SPG11: variants seen among roughly 807,000 people sequenced by gnomAD.
The protein encoded by SPG11 is SPG11 vesicle trafficking associated, spatacsin.
A neutral mutation model predicts 274.0 loss-of-function variants in SPG11; 222 were observed. That is an observed-to-expected ratio of 0.81 (90% CI 0.73 to 0.91). The LOEUF (loss-of-function observed/expected upper bound fraction) is 0.91, where lower values mean the gene tolerates loss of function less well. Ranked by LOEUF, SPG11 falls within the 40% of genes least tolerant of loss-of-function variation. SPG11 has a pLI of 0.00. For missense variants in SPG11, 3,114 were observed against 2,872.7 expected (o/e 1.08, Z -1.92); for synonymous variants, 1,144 against 1,039.7 (o/e 1.10, Z -1.93).
At chr15:44,569,196 T>A (rs973166424) in intron 35 of SPG11, among the ~76,000 whole-genome samples, 38 of 146,524 alleles carry the variant, frequency 2.6e-4, no homozygotes, top group Admixed American at 1.4e-4. Flanking sequence ...AAAAAAAAAA[T>A]ATATGGCATC....
chr15:44,600,202 G>A lies in SPG11; in HGVS notation c.3686+265C>T, dbSNP rs2083149689. ...CATCCAAATGTAATCACTGTTAACT[G>A]TGGTATGTTTCCAGTATGTTTTTCA... On this transcript the variant is annotated intron_variant, in intron 21 of 39. Coordinates refer to ENST00000261866, the MANE Select transcript of SPG11 (RefSeq NM_025137.4). 2.2e-5 allele frequency: 9 copies of A among 405,560 alleles called. No individual in the cohort carries two copies. In the South Asian group the frequency reaches 2.5e-4, roughly 11 times the overall value. 25.1% of individuals were successfully genotyped at this position (405,560 alleles called of 1,614,324 possible).
chr15:44,630,759 T>C (rs1191578137), intron 8 of SPG11, among the ~76,000 whole-genome samples: 2 of 152,110 alleles, frequency 1.3e-5, no homozygotes, highest in African/African-American at 4.8e-5. Flanking sequence ...TTTGTATTTT[T>C]AGTAGAAATG....
chr15:44,579,698 A>C (rs2082621181), intron 30 of SPG11, among the ~76,000 whole-genome samples: 1 of 152,230 alleles, frequency 6.6e-6, no homozygotes, highest in African/African-American at 2.4e-5. Flanking sequence ...GTCTTGAGAC[A>C]AACAGAAAAA....
intron 7 of SPG11, among the ~76,000 whole-genome samples, chr15:44,638,442 C>G (rs926804236): frequency 2.7e-5 from 4 of 150,730 alleles, no homozygotes; most frequent in African/African-American, 9.8e-5. Context: ...GCCTGGGCGA[C>G]AGAGCAAGAC....
rs2084681542 is a variant in SPG11 at position 44,648,900 on chromosome 15, C to T, written c.1568G>A (p.Trp523Ter). ...ATGTATGGGAATTGAGCACCTTCCC[C>T]AGCCATTGAGATGACAAAGAGTGTC... ...TVDTLCHLNG[W>*]GRCSIPIHAL... Residue 523 changes from tryptophan to a stop codon, truncating the protein, a stop_gained, in exon 7 of 40, where the codon TGG becomes TAG. Coordinates refer to ENST00000261866, the MANE Select transcript of SPG11 (RefSeq NM_025137.4). LOFTEE classifies it high-confidence loss of function. 3 of 1,614,118 alleles carry T rather than the reference C, an allele frequency of 1.9e-6. No individual in the cohort carries two copies. The highest frequency in any genetic ancestry group is 2.5e-6 in the Non-Finnish European group (3 of 1,180,004).
Position 44,608,445 on chromosome 15 carries a change from T to C in SPG11, c.3452A>G (p.Gln1151Arg). 6.2e-7 allele frequency: 1 copy of C among 1,613,976 alleles called. No homozygotes were observed. The highest frequency in any genetic ancestry group is 8.5e-7 in the Non-Finnish European group (1 of 1,179,866). ...ATATTGGCCACCTAAATACTGTACC[T>C]GAATAAGGTGGTAGATTGTAATATC... Reference protein sequence around the residue: ...PSDITIYHLIQSLSPFDPSRL... With the variant: ...PSDITIYHLIRSLSPFDPSRL... The change falls in exon 19 of 40, where the codon CAG (glutamine) becomes CGG (arginine). Residue 1151 changes from glutamine to arginine, a missense_variant and splice_region_variant. Coordinates refer to ENST00000261866, the MANE Select transcript of SPG11 (RefSeq NM_025137.4).
intron 7 of SPG11, among the ~76,000 whole-genome samples, chr15:44,636,224 T>C (rs1281012640): frequency 6.6e-6 from 1 of 152,032 alleles, no homozygotes; most frequent in Non-Finnish European, 1.5e-5. Context: ...CTAGGGTCCA[T>C]GTGAGGTGAC....
In SPG11 at chr15:44,602,591, G is replaced by A. The variant is rs183389773; in HGVS notation, c.3521-1959C>T. Among the ~76,000 whole-genome samples, 184 of 151,404 alleles carry A rather than the reference G, an allele frequency of 1.2e-3. 1 individual carries two copies. Among genetic ancestry groups the A allele is most frequent in the African/African-American group, 4.4e-3 (180 of 41,226 alleles). On this transcript the variant is annotated intron_variant, in intron 20 of 39. Coordinates refer to ENST00000261866, the MANE Select transcript of SPG11 (RefSeq NM_025137.4). ...CCTCCCGTATTCACGCCATTCTCCT[G>A]CCTCAGCCTCCCAAGTAGGTGGGAC...
At chr15:44,577,339 C>T (rs980591795) in intron 30 of SPG11, among the ~76,000 whole-genome samples, 1 of 151,408 alleles carries the variant, frequency 6.6e-6, no homozygotes, top group South Asian at 2.1e-4. Flanking sequence ...CCCACTGCTA[C>T]AAAAAATTTA....
At chr15:44,630,318 C>T (rs775438185) in intron 8 of SPG11, among the ~76,000 whole-genome samples, 43 of 152,132 alleles carry the variant, frequency 2.8e-4, no homozygotes, top group Middle Eastern at 3.2e-3. Context: ...AAGGCTATTA[C>T]CAGTGCTTCT....
Position 44,663,594 on chromosome 15 carries a change from G to T in SPG11, c.54C>A (p.Gly18=), listed in dbSNP as rs1566838772. 3.1e-6 allele frequency: 5 copies of T among 1,596,562 alleles called. No homozygotes were observed. Among genetic ancestry groups the T allele is most frequent in the Non-Finnish European group, 3.4e-6 (4 of 1,174,904 alleles). The change falls in exon 1 of 40, where the codon GGC becomes GGA. Residue 18 remains glycine (G), a synonymous_variant. Transcript: ENST00000261866. ...ASAASAGGSW[G]TAAMGRVLPM... ...GTAGAACCCGCCCCATGGCCGCGGT[G>T]CCCCAGCTACCGCCGGCGGAAGCAG...
At chr15:44,639,380 T>C (rs1005502139) in intron 7 of SPG11, among the ~76,000 whole-genome samples, 1 of 151,958 alleles carries the variant, frequency 6.6e-6, no homozygotes, top group African/African-American at 2.4e-5. Flanking sequence ...TGGATCATGT[T>C]ATACTAGAGA....
At chr15:44,644,166 C>CA (rs35554299) in intron 7 of SPG11, among the ~76,000 whole-genome samples, 2,484 of 86,836 alleles carry the variant, frequency 0.029, 54 homozygotes, top group East Asian at 0.18. Flanking sequence ...GACTCCATCT[C>CA]AAAAAAAAAA....
chr15:44,608,520 A>G lies in SPG11; in HGVS notation c.3377T>C (p.Leu1126Pro), dbSNP rs1361356737. 2 of 1,614,148 alleles carry G rather than the reference A, an allele frequency of 1.2e-6. No individual in the cohort carries two copies. The highest frequency in any genetic ancestry group is 1.7e-6 in the Non-Finnish European group (2 of 1,180,014). ...GCACTGTGGGAAGAGAGCAGTTTTT[A>G]GCTTGGGGTAAGGAGTTAATGCCAT... The part of the protein sequence containing the change: ...LKMALTPYPK[L>P]KTALFPQCTP... Residue 1126 changes from leucine (L) to proline (P), a missense_variant, in exon 19 of 40, where the codon CTA (leucine) becomes CCA (proline). Transcript: ENST00000261866.
At chr15:44,620,060 A>T in intron 15 of SPG11, 130 bp downstream of exon 15, 1 of 806,186 alleles carries the variant, frequency 1.2e-6, no homozygotes, top group Non-Finnish European at 2.0e-6. Context: ...GATGCCCTTT[A>T]AATTTTATAG....
intron 30 of SPG11, among the ~76,000 whole-genome samples, chr15:44,576,010 C>T (rs1427821486): frequency 2.6e-5 from 4 of 151,624 alleles, no homozygotes; most frequent in Non-Finnish European, 2.9e-5. Flanking sequence ...GGTGTGGTGG[C>T]GCATGCCTGT....
In SPG11 at chr15:44,577,200, A is replaced by G. The variant is rs544954450; in HGVS notation, c.5867-2159T>C. ...CACTAAGCACAATTTTTATTTTAAA[A>G]TATTATTAAAAAGTGCTGTAGGCCA... is the stretch of plus-strand genomic sequence containing the variant. On this transcript the variant is annotated intron_variant, in intron 30 of 39. Coordinates refer to ENST00000261866, the MANE Select transcript of SPG11 (RefSeq NM_025137.4). Among the ~76,000 whole-genome samples the G allele has an allele frequency of 2.4e-4, 36 of 152,242 alleles. 2 individuals carry two copies. The South Asian group carries it at 7.5e-3, about 32-fold the overall frequency.
chr15:44,585,507 C>T, intron 29 of SPG11, 129 bp downstream of exon 29: 1 of 696,324 alleles, frequency 1.4e-6, no homozygotes, highest in Non-Finnish European at 2.4e-6. Context: ...GAGGCTGAGG[C>T]AGGAGAATTG....
chr15:44,620,473 T>A, intron 14 of SPG11, 70 bp from the exon 15 acceptor site: 2 of 1,033,684 alleles, frequency 1.9e-6, no homozygotes, highest in Non-Finnish European at 2.9e-6. Context: ...AACACTAAAT[T>A]ACTGAGTAAA....
Sources: gnomAD v4.1 joint callset for allele counts (sites outside exome capture counted in the v4.1 genomes callset) on GRCh38, gnomAD v4.1.1 for gene constraint, MANE v1.5 for transcripts, NCBI Gene and HGNC (gene_info 2026-07-23, HGNC 2026-07-21) for gene names.